SPAG16: variants seen among roughly 807,000 people sequenced by gnomAD.
The protein encoded by SPAG16 is sperm associated antigen 16, also known as sperm-associated antigen 16 protein.
In SPAG16, 86 loss-of-function variants were observed where a neutral mutation model predicts 80.4. That is an observed-to-expected ratio of 1.07 (90% CI 0.90 to 1.28). The LOEUF is 1.28. SPAG16 is among the 50% of genes most tolerant of loss of function. SPAG16 has a pLI of 0.00. For missense variants in SPAG16, 870 were observed against 765.3 expected, an observed-to-expected ratio of 1.14 and a Z score of -1.61; for synonymous variants, 294 against 265.9, an observed-to-expected ratio of 1.11 and a Z score of -1.03.
chr2:213,800,823 A>C (rs1428673765), intron 10 of SPAG16, among the ~76,000 whole-genome samples: 1 of 152,180 alleles, frequency 6.6e-6, no homozygotes, highest in Non-Finnish European at 1.5e-5. Flanking sequence ...ACACTTCCAC[A>C]TAATACAGTA....
chr2:213,948,779 C>A (rs2079578369), intron 12 of SPAG16, among the ~76,000 whole-genome samples: 1 of 152,134 alleles, frequency 6.6e-6, no homozygotes, highest in Admixed American at 6.5e-5. Flanking sequence ...CTTAAATCTT[C>A]ATCCCTTTTC....
chr2:213,545,009 A>G (rs1225082862), intron 10 of SPAG16, among the ~76,000 whole-genome samples: 1 of 152,114 alleles, frequency 6.6e-6, no homozygotes, highest in Non-Finnish European at 1.5e-5. Context: ...GCTCCTTTGG[A>G]TAAATACTAA....
chr2:213,696,469 A>T (rs1368660792), intron 10 of SPAG16, among the ~76,000 whole-genome samples: 1 of 152,152 alleles, frequency 6.6e-6, no homozygotes, highest in Non-Finnish European at 1.5e-5. Context: ...AGAGAAAAAA[A>T]TTCAGGGCAC....
intron 12 of SPAG16, among the ~76,000 whole-genome samples, chr2:213,987,542 T>G (rs1027388732): frequency 2.6e-5 from 4 of 152,092 alleles, no homozygotes; most frequent in African/African-American, 9.6e-5. Flanking sequence ...ATTCATAAAC[T>G]AATATACCAC....
chr2:213,405,634 C>T (rs1402306679), intron 9 of SPAG16, among the ~76,000 whole-genome samples: 1 of 152,170 alleles, frequency 6.6e-6, no homozygotes, highest in Admixed American at 6.5e-5. Flanking sequence ...TTCTCTCCCA[C>T]CTTCTTTTCC....
chr2:213,726,576 G>A (rs529850132), intron 10 of SPAG16, among the ~76,000 whole-genome samples: 5 of 152,266 alleles, frequency 3.3e-5, no homozygotes, highest in African/African-American at 1.2e-4. Flanking sequence ...GATAAATCGG[G>A]AGCTCGCCGG....
intron 12 of SPAG16, among the ~76,000 whole-genome samples, chr2:213,989,617 G>A (rs373497327): frequency 5.3e-5 from 8 of 151,970 alleles, no homozygotes; most frequent in South Asian, 4.1e-4. Context: ...CTATATTTAC[G>A]TAAGATATGA....
At chr2:214,148,592 C>T (rs1020969211) in intron 14 of SPAG16, among the ~76,000 whole-genome samples, 7 of 152,090 alleles carry the variant, frequency 4.6e-5, no homozygotes, top group Admixed American at 2.0e-4. Flanking sequence ...ACCTGCTATG[C>T]GATATTCTTC....
intron 10 of SPAG16, among the ~76,000 whole-genome samples, chr2:213,546,952 C>T (rs373771311): frequency 6.6e-6 from 1 of 152,058 alleles, no homozygotes; most frequent in African/African-American, 2.4e-5. Context: ...CTGTATAATG[C>T]AGTTATATTC....
chr2:213,422,154 A>G (rs762130979), intron 9 of SPAG16: 1 of 699,234 alleles, frequency 1.4e-6, no homozygotes, highest in Non-Finnish European at 2.6e-6. Flanking sequence ...AGAAGGAGAG[A>G]AGAGCTGTGG....
chr2:213,690,281 T>C (rs1426877376), intron 10 of SPAG16, among the ~76,000 whole-genome samples: 2 of 152,204 alleles, frequency 1.3e-5, no homozygotes, highest in Non-Finnish European at 2.9e-5. Flanking sequence ...GATATTTATT[T>C]CTAACAGTCT....
intron 13 of SPAG16, among the ~76,000 whole-genome samples, chr2:214,058,714 A>G (rs2050072394): frequency 6.6e-6 from 1 of 152,188 alleles, no homozygotes; most frequent in Non-Finnish European, 1.5e-5. Flanking sequence ...ATATGCATGT[A>G]TCTCCTCTCC....
chr2:214,118,646 T>A (rs1336142471), intron 14 of SPAG16, among the ~76,000 whole-genome samples: 1 of 152,030 alleles, frequency 6.6e-6, no homozygotes, highest in Non-Finnish European at 1.5e-5. Flanking sequence ...ATCACAAGAA[T>A]AGCATGAGGG....
intron 10 of SPAG16, among the ~76,000 whole-genome samples, chr2:213,638,047 G>A (rs1301771647): frequency 1.3e-5 from 2 of 152,146 alleles, no homozygotes; most frequent in Non-Finnish European, 2.9e-5. Context: ...GTGAGCCATC[G>A]TGCCCGGCTG....
At chr2:213,289,939 G>A (rs1227726741) in intron 1 of SPAG16, among the ~76,000 whole-genome samples, 1 of 152,176 alleles carries the variant, frequency 6.6e-6, no homozygotes, top group African/African-American at 2.4e-5. Flanking sequence ...ATTATTCATT[G>A]GTTTCTGGCT....
intron 10 of SPAG16, among the ~76,000 whole-genome samples, chr2:213,704,926 G>A (rs934871209): frequency 6.6e-6 from 1 of 152,056 alleles, no homozygotes; most frequent in Non-Finnish European, 1.5e-5. Context: ...AAGTCTGCCT[G>A]AACTACGGTA....
chr2:214,009,406 A>G (rs2047181420), intron 12 of SPAG16, among the ~76,000 whole-genome samples: 1 of 152,116 alleles, frequency 6.6e-6, no homozygotes, highest in Non-Finnish European at 1.5e-5. Flanking sequence ...TCTCTTAAGG[A>G]TTATATTCCT....
Position 214,370,462 on chromosome 2 carries a change from T to C in SPAG16, c.1721-39678T>C, listed in dbSNP as rs116458697. The stretch of plus-strand genomic sequence containing the variant: ...TTATTGAGGTATAATAGAGAAATTA[T>C]ATAAATTTATGGTGTACAATGTGAT... On this transcript the variant is annotated intron_variant, in intron 15 of 15. Transcript: ENST00000331683. Among the ~76,000 whole-genome samples the C allele has an allele frequency of 6.7e-3, 1,020 of 152,304 alleles. 6 individuals carry two copies. The highest frequency in any genetic ancestry group is 0.011 in the Non-Finnish European group (723 of 68,012).
chr2:213,697,431 C>T (rs1167619393), intron 10 of SPAG16, among the ~76,000 whole-genome samples: 1 of 151,960 alleles, frequency 6.6e-6, no homozygotes, highest in Non-Finnish European at 1.5e-5. Flanking sequence ...AATAATGGTC[C>T]CCAAAGATAT....
Sources: gnomAD v4.1 joint callset for allele counts (sites outside exome capture counted in the v4.1 genomes callset) on GRCh38, gnomAD v4.1.1 for gene constraint, MANE v1.5 for transcripts, NCBI Gene and HGNC (gene_info 2026-07-23, HGNC 2026-07-21) for gene names.